IL1RAPL1: variants seen among roughly 807,000 people sequenced by gnomAD.
IL1RAPL1 encodes the protein interleukin-1 receptor accessory protein-like 1.
Under a neutral mutation model 48.4 loss-of-function variants are expected in IL1RAPL1, and 3 were observed. That is an observed-to-expected ratio of 0.06 (90% CI 0.03 to 0.16). IL1RAPL1 has a LOEUF of 0.16. Ranked by LOEUF, IL1RAPL1 falls within the 10% of genes least tolerant of loss-of-function variation. The probability of loss-of-function intolerance (pLI) is 1.00; values close to 1 mark genes in which losing one functional copy is unlikely to be tolerated. For synonymous variants in IL1RAPL1, 185 were observed against 187.7 expected (o/e 0.99, Z 0.12); for missense variants, 349 against 530.6 (o/e 0.66, Z 3.36).
chrX:29,943,087 T>C (rs997538596), intron 9 of IL1RAPL1, among the ~76,000 whole-genome samples: 1 of 111,537 alleles, frequency 9.0e-6, no homozygotes, highest in Admixed American at 9.5e-5. Context: ...AAGTGGTTTA[T>C]TCAGAATGCC....
intron 6 of IL1RAPL1, among the ~76,000 whole-genome samples, chrX:29,682,584 A>G (rs1043981318): frequency 1.8e-5 from 2 of 111,530 alleles, no homozygotes; most frequent in Non-Finnish European, 3.8e-5. Flanking sequence ...TTTTGTACAT[A>G]TTTTTGTGTG....
At chrX:28,901,555 CT>C (rs1443123489) in intron 2 of IL1RAPL1, among the ~76,000 whole-genome samples, 2 of 111,500 alleles carry the variant, frequency 1.8e-5, no homozygotes, top group Non-Finnish European at 3.8e-5. Context: ...CCATTAGACT[CT>C]TTTCCTAAAG....
At chrX:29,204,490 A>G (rs1930623431) in intron 2 of IL1RAPL1, among the ~76,000 whole-genome samples, 1 of 111,245 alleles carries the variant, frequency 9.0e-6, no homozygotes, top group South Asian at 3.8e-4. Context: ...CATTTTTTCC[A>G]TATACCTGTT....
At position 29,837,272 on chromosome X, in the gene IL1RAPL1, A is replaced by AATATAT. The variant is rs1229668903; in HGVS notation, c.779-80168_779-80163dup. Among the ~76,000 whole-genome samples the AATATAT allele has an allele frequency of 1.7e-3, 123 of 72,065 alleles. 1 individual carries two copies. The highest frequency in any genetic ancestry group is 6.4e-3 in the Admixed American group (37 of 5,746). 62.6% of individuals were successfully genotyped at this position (72,065 alleles called of 115,157 possible). On this transcript the variant is annotated intron_variant, in intron 6 of 10. Coordinates refer to ENST00000378993, the MANE Select transcript of IL1RAPL1 (RefSeq NM_014271.4). Reference sequence around the variant, plus strand: ...AGACTGCATCTCAAAAAAAAAAAAAAATATATATATATATATATATATATA... The same window carrying AATATAT: ...AGACTGCATCTCAAAAAAAAAAAAAAATATATATATATATATATATATATATATATA...
chrX:29,299,912 C>T (rs1932506299), intron 3 of IL1RAPL1, among the ~76,000 whole-genome samples: 1 of 111,775 alleles, frequency 8.9e-6, no homozygotes, highest in Non-Finnish European at 1.9e-5. Flanking sequence ...GATTAATAGC[C>T]TACTTCAGCA....
chrX:29,838,650 A>G (rs937372132), intron 6 of IL1RAPL1, among the ~76,000 whole-genome samples: 2 of 112,130 alleles, frequency 1.8e-5, no homozygotes, highest in Admixed American at 9.5e-5. Flanking sequence ...TGATATGAAC[A>G]TGGCCCTTGG....
At chrX:29,311,661 C>A (rs1271482710) in intron 3 of IL1RAPL1, among the ~76,000 whole-genome samples, 1 of 111,824 alleles carries the variant, frequency 8.9e-6, no homozygotes, top group Non-Finnish European at 1.9e-5. Context: ...GGCTACGGTA[C>A]TGGACAACAT....
At chrX:29,750,199 G>A (rs770730291) in intron 6 of IL1RAPL1, among the ~76,000 whole-genome samples, 7 of 111,941 alleles carry the variant, frequency 6.3e-5, no homozygotes, top group Admixed American at 1.9e-4. Flanking sequence ...GCTGGGTAAC[G>A]TAAGAACATG....
intron 2 of IL1RAPL1, among the ~76,000 whole-genome samples, chrX:28,990,760 T>C (rs186159733): frequency 4.3e-4 from 48 of 111,860 alleles, no homozygotes; most frequent in African/African-American, 1.5e-3. Context: ...TTGAGCATCC[T>C]GTGTGGCTCA....
At chrX:29,863,590 A>C (rs1005271013) in intron 6 of IL1RAPL1, among the ~76,000 whole-genome samples, 1 of 111,595 alleles carries the variant, frequency 9.0e-6, no homozygotes, top group African/African-American at 3.3e-5. Flanking sequence ...ATGTGGATAA[A>C]TAAAAAAGGG....
At chrX:29,009,058 T>C (rs1298398021) in intron 2 of IL1RAPL1, among the ~76,000 whole-genome samples, 3 of 111,458 alleles carry the variant, frequency 2.7e-5, no homozygotes, top group Non-Finnish European at 3.8e-5. Context: ...AACGTAGATG[T>C]GGCTGGAAGC....
chrX:28,979,022 G>A (rs1601991544), intron 2 of IL1RAPL1, among the ~76,000 whole-genome samples: 1 of 111,815 alleles, frequency 8.9e-6, no homozygotes, highest in Non-Finnish European at 1.9e-5. Context: ...TTATAACTGA[G>A]TTTCTAACAA....
chrX:29,120,907 AT>A (rs2147476792), intron 2 of IL1RAPL1, among the ~76,000 whole-genome samples: 1 of 112,221 alleles, frequency 8.9e-6, no homozygotes. Context: ...AGTGGGATTT[AT>A]CCCAGTTATG....
At chrX:28,815,839 GTATATATATA>G (rs61436993) in intron 2 of IL1RAPL1, among the ~76,000 whole-genome samples, 1,064 of 29,115 alleles carry the variant, frequency 0.037, 43 homozygotes, top group African/African-American at 0.084. Context: ...GTGTGTTTAT[GTATATATATA>G]TATATATATA....
At chrX:29,779,198 G>C (rs1929277732) in intron 6 of IL1RAPL1, among the ~76,000 whole-genome samples, 1 of 111,787 alleles carries the variant, frequency 8.9e-6, no homozygotes, top group South Asian at 3.7e-4. Context: ...ATGTCCAAAT[G>C]GGAGAGATAC....
intron 6 of IL1RAPL1, among the ~76,000 whole-genome samples, chrX:29,841,162 A>T (rs1488808225): frequency 1.8e-5 from 2 of 111,913 alleles, no homozygotes; most frequent in African/African-American, 6.5e-5. Context: ...TTGAAGGGAA[A>T]ATCTGGGGTG....
rs775237990 is a variant in IL1RAPL1 at position 28,919,142 on chromosome X, C to T, written c.82+129717C>T. On this transcript the variant is annotated intron_variant, in intron 2 of 10. Transcript: ENST00000378993. ...ACTGCGCGAGTGATATACTTCCCTA[C>T]GGGGACATGAACAGTACTTGAACAG... Among the ~76,000 whole-genome samples, 5 of 111,294 alleles carry T rather than the reference C, an allele frequency of 4.5e-5. No individual in the cohort carries two copies. In the South Asian group the frequency reaches 1.1e-3, roughly 26 times the overall value.
intron 1 of IL1RAPL1, among the ~76,000 whole-genome samples, chrX:28,629,138 C>A (rs1934373128): frequency 1.8e-5 from 2 of 111,627 alleles, no homozygotes; most frequent in Admixed American, 1.9e-4. Flanking sequence ...AGAATTCTCT[C>A]ATAACACACT....
intron 6 of IL1RAPL1, among the ~76,000 whole-genome samples, chrX:29,803,243 GTATA>G (rs1930102309): frequency 1.5e-4 from 4 of 26,637 alleles, no homozygotes; most frequent in Non-Finnish European, 2.2e-4. Flanking sequence ...ATGTATATAT[GTATA>G]CATATACACA....
Sources: allele counts gnomAD v4.1 joint callset (sites outside exome capture counted in the v4.1 genomes callset), GRCh38; gene constraint gnomAD v4.1.1; transcripts MANE v1.5; gene names NCBI Gene and HGNC (gene_info 2026-07-23, HGNC 2026-07-21).